The following N4BP2L1 variants were observed in gnomAD, a reference collection of about 807,000 sequenced individuals.
The protein encoded by N4BP2L1 is NEDD4 binding protein 2 like 1, also known as NEDD4-binding protein 2-like 1.
Under a neutral mutation model 21.2 loss-of-function variants are expected in N4BP2L1, and 12 were observed. The observed-to-expected ratio is 0.57, with a 90% confidence interval of 0.36 to 0.92. The LOEUF is 0.92. Among genes scored for constraint, N4BP2L1 ranks in the 40% least tolerant of loss-of-function variants. The pLI, the probability that N4BP2L1 is intolerant of heterozygous loss-of-function variation, is 0.01. For missense variants in N4BP2L1, 259 were observed against 310.6 expected (o/e 0.83, Z 1.25); for synonymous variants, 104 against 112.8 (o/e 0.92, Z 0.49).
intron 1 of N4BP2L1, among the ~76,000 whole-genome samples, chr13:32,415,231 T>A (rs2137867913): frequency 6.6e-6 from 1 of 152,278 alleles, no homozygotes; most frequent in Middle Eastern, 3.4e-3. Context: ...AGGGCCAGGC[T>A]GCACCTCCAT....
chr13:32,424,578 C>A (rs989708498), intron 1 of N4BP2L1, among the ~76,000 whole-genome samples: 1 of 152,218 alleles, frequency 6.6e-6, no homozygotes, highest in African/African-American at 2.4e-5. Context: ...TGGACACCCA[C>A]CTCGGCCTCC....
At chr13:32,419,408 G>C (rs1424212316) in intron 1 of N4BP2L1, 2 of 367,976 alleles carry the variant, frequency 5.4e-6, no homozygotes, top group African/African-American at 2.6e-5. Flanking sequence ...ACCATGCTTG[G>C]CTAATTTTTT....
chr13:32,417,430 G>A (rs1347521623), intron 1 of N4BP2L1, among the ~76,000 whole-genome samples: 1 of 152,140 alleles, frequency 6.6e-6, no homozygotes, highest in Non-Finnish European at 1.5e-5. Context: ...GTCACCATGT[G>A]AGGATGTGTT....
rs137940079 is a variant in N4BP2L1, at chr13:32,421,471, G to A, written c.179+6433C>T. 4.1e-3 allele frequency among the ~76,000 whole-genome samples: 631 copies of A among 152,290 alleles called. 1 individual carries two copies. The highest frequency in any genetic ancestry group is 7.3e-3 in the Non-Finnish European group (500 of 68,028). Reference sequence around the variant, plus strand: ...TTGTGAAAGGGATGTAGGTATGTTTGTCCATGAACTTCCCTAGTAATATAA... The same window carrying A: ...TTGTGAAAGGGATGTAGGTATGTTTATCCATGAACTTCCCTAGTAATATAA... On this transcript the variant is annotated intron_variant, in intron 1 of 4. Transcript: ENST00000380130.
intron 2 of N4BP2L1, 88 bp downstream of exon 2, chr13:32,407,557 C>T (rs2073601479): frequency 6.2e-7 from 1 of 1,603,236 alleles, no homozygotes; most frequent in South Asian, 1.1e-5. Flanking sequence ...TTCGGTTAAA[C>T]TCCTTCCATA....
rs74047024 is a variant in N4BP2L1, at chr13:32,401,806, C to G, written c.*1136G>C. On this transcript the variant is annotated 3_prime_UTR_variant, in exon 5 of 5. Coordinates refer to ENST00000380130, the MANE Select transcript of N4BP2L1 (RefSeq NM_052818.3). ...ATAAGACACTTAAAATAATTTTTCA[C>G]AGAACATTAGAAAGAAGCTGTTGGC... The G allele has an allele frequency of 8.9e-4, 406 of 457,916 alleles. 2 individuals are homozygous for G. The highest frequency in any genetic ancestry group is 8.0e-3 in the African/African-American group (376 of 47,108). 28.4% of individuals were successfully genotyped at this position (457,916 alleles called of 1,614,324 possible).
At chr13:32,405,563 T>C (rs2073426576) in intron 3 of N4BP2L1, among the ~76,000 whole-genome samples, 1 of 152,148 alleles carries the variant, frequency 6.6e-6, no homozygotes, top group Non-Finnish European at 1.5e-5. Context: ...CAGTTAGTCC[T>C]TAAGTCTTGG....
At chr13:32,409,767 C>G (rs1426364751) in intron 1 of N4BP2L1, among the ~76,000 whole-genome samples, 2 of 152,024 alleles carry the variant, frequency 1.3e-5, no homozygotes, top group Non-Finnish European at 2.9e-5. Flanking sequence ...GGGGGAGGGG[C>G]TGAGCACACG....
chr13:32,420,902 C>T (rs1220062757), intron 1 of N4BP2L1, among the ~76,000 whole-genome samples: 2 of 152,108 alleles, frequency 1.3e-5, no homozygotes, highest in African/African-American at 4.8e-5. Context: ...ACCATGTTGG[C>T]CAGGATGGTC....
intron 4 of N4BP2L1, chr13:32,404,095 G>A: frequency 6.7e-7 from 1 of 1,498,784 alleles, no homozygotes; most frequent in Non-Finnish European, 9.0e-7. Context: ...TCCTTTTAAA[G>A]GACCAAGTCC....
intron 1 of N4BP2L1, chr13:32,411,695 AT>A: frequency 2.0e-6 from 2 of 985,046 alleles, no homozygotes; most frequent in Non-Finnish European, 1.2e-6. Flanking sequence ...GCTCAAATTC[AT>A]TTAAAATCAC....
At chr13:32,426,118 G>A (rs1458307620) in intron 1 of N4BP2L1, among the ~76,000 whole-genome samples, 2 of 152,174 alleles carry the variant, frequency 1.3e-5, no homozygotes, top group East Asian at 1.9e-4. Context: ...GATGAGGAAT[G>A]TGAATCCAAG....
rs1419083360 is a variant in N4BP2L1, at chr13:32,402,870, T to C, written c.*72A>G. Reference sequence around the variant, plus strand: ...ACTGGAATTGGAGCTCTGACTAAAATGCAACAAAAAATAACAAAAACTGAA... The same window carrying C: ...ACTGGAATTGGAGCTCTGACTAAAACGCAACAAAAAATAACAAAAACTGAA... On this transcript the variant is annotated 3_prime_UTR_variant, in exon 5 of 5. Coordinates refer to ENST00000380130, the MANE Select transcript of N4BP2L1 (RefSeq NM_052818.3). 2.0e-6 allele frequency: 3 copies of C among 1,506,508 alleles called. No individual in the cohort carries two copies. Among genetic ancestry groups the C allele is most frequent in the Non-Finnish European group, 2.7e-6 (3 of 1,127,444 alleles). The allele number at this position is 1,506,508 out of a possible 1,614,324, so 93.3% of individuals were successfully genotyped here.
chr13:32,411,816 C>T, intron 1 of N4BP2L1: 18 of 967,114 alleles, frequency 1.9e-5, no homozygotes, highest in Non-Finnish European at 2.0e-5. Flanking sequence ...ATCTCTTCAG[C>T]CAGTCAGTCA....
rs765078919 is a variant in N4BP2L1, at chr13:32,427,983, G to T, written c.100C>A (p.Pro34Thr). Reference sequence around the variant, plus strand: ...TTCCTAAAGCTGTGGCGGCGAGGAGGTGTCCCCCGCGGGGGCGGCCGGGGC... The same window carrying T: ...TTCCTAAAGCTGTGGCGGCGAGGAGTTGTCCCCCGCGGGGGCGGCCGGGGC... ...RPPRPPPRGT[P>T]PRRHSFRKHL... Residue 34 changes from proline (P) to threonine (T), a missense_variant, in exon 1 of 5, where the codon CCT becomes ACT. By Grantham distance (38) the Pro-to-Thr change is conservative. This residue lies in a region of N4BP2L1 where 60 missense variants were observed against 54.7 expected (regional missense o/e 1.10). Coordinates refer to ENST00000380130, the MANE Select transcript of N4BP2L1 (RefSeq NM_052818.3). The T allele has an allele frequency of 3.2e-6, 5 of 1,554,432 alleles. No homozygotes were observed. The highest frequency in any genetic ancestry group is 4.3e-6 in the Non-Finnish European group (5 of 1,152,114).
chr13:32,407,023 A>G, intron 3 of N4BP2L1: 2 of 548,268 alleles, frequency 3.6e-6, no homozygotes, highest in South Asian at 4.2e-5. Flanking sequence ...ACCATTTGCC[A>G]AGGACTATTT....
At chr13:32,423,090 C>G (rs2074572783) in intron 1 of N4BP2L1, among the ~76,000 whole-genome samples, 1 of 152,202 alleles carries the variant, frequency 6.6e-6, no homozygotes, top group Non-Finnish European at 1.5e-5. Context: ...TAACTGGCCC[C>G]CTGTTCTCAC....
At chr13:32,403,539 CT>C in intron 4 of N4BP2L1, 1 of 406,050 alleles carries the variant, frequency 2.5e-6, no homozygotes, top group African/African-American at 2.0e-5. Context: ...ATGCATATAT[CT>C]ATCTACTTAT....
At position 32,402,043 on chromosome 13, in the gene N4BP2L1, A is replaced by G; in HGVS notation, c.*899T>C. The G allele has an allele frequency of 2.0e-6, 2 of 985,458 alleles. No homozygotes were observed. The highest frequency in any genetic ancestry group is 2.4e-6 in the Non-Finnish European group (2 of 829,932). 61.0% of individuals were successfully genotyped at this position (985,458 alleles called of 1,614,324 possible). On this transcript the variant is annotated 3_prime_UTR_variant, in exon 5 of 5. Transcript: ENST00000380130. ...GAGCATGGCTTTTATATATCCCTGT[A>G]TGACCTATATCCTGGGGTGCCTAAT... is the stretch of plus-strand genomic sequence containing the variant.
Sources: allele counts gnomAD v4.1 joint callset (sites outside exome capture counted in the v4.1 genomes callset), GRCh38; gene constraint gnomAD v4.1.1; regional missense constraint gnomAD v4.1.1; transcripts MANE v1.5; gene names NCBI Gene and HGNC (gene_info 2026-07-23, HGNC 2026-07-21).